Variants in HS3ST5 observed in about 807,000 individuals in gnomAD.
HS3ST5 encodes heparan sulfate glucosamine 3-O-sulfotransferase 5.
In HS3ST5, 10 loss-of-function variants were observed where a neutral mutation model predicts 25.4. That is an observed-to-expected ratio of 0.39 (90% CI 0.24 to 0.67). The LOEUF is 0.67. Among genes scored for constraint, HS3ST5 ranks in the 30% least tolerant of loss-of-function variants. HS3ST5 has a pLI of 0.44. For synonymous variants in HS3ST5, 170 were observed against 162.4 expected (o/e 1.05, Z -0.36); for missense variants, 324 against 420.7 (o/e 0.77, Z 2.01).
chr6:114,325,598 G>A (rs1453889284), intron 1 of HS3ST5, among the ~76,000 whole-genome samples: 1 of 151,986 alleles, frequency 6.6e-6, no homozygotes, highest in Non-Finnish European at 1.5e-5. Context: ...ACTTTTCCCT[G>A]CTAAACTAGT....
chr6:114,324,060 G>A (rs7772400), intron 1 of HS3ST5, among the ~76,000 whole-genome samples: 9,640 of 152,194 alleles, frequency 0.063, 551 homozygotes, highest in African/African-American at 0.15. Context: ...GATTCAAGAG[G>A]AGGAAGGTGA....
At chr6:114,281,138 G>A (rs7757785) in intron 1 of HS3ST5, among the ~76,000 whole-genome samples, 73,916 of 151,758 alleles carry the variant, frequency 0.49, 18,189 homozygotes, top group Middle Eastern at 0.61. Context: ...CCCAAATAAC[G>A]TACCATATCT....
intron 3 of HS3ST5, among the ~76,000 whole-genome samples, chr6:114,133,578 G>C (rs1777454264): frequency 6.6e-6 from 1 of 152,116 alleles, no homozygotes; most frequent in East Asian, 1.9e-4. Flanking sequence ...TATGCCACTG[G>C]GAAAGATATT....
In HS3ST5 at chr6:114,168,076, G is replaced by A. The variant is rs866226180; in HGVS notation, c.-33+275C>T. ...CACACACAAACAAAAAACAACACAC[G>A]CAAAAGAAAATCAATAAAAAAAATT... On this transcript the variant is annotated intron_variant, in intron 3 of 4. Transcript: ENST00000312719. 9.2e-5 allele frequency among the ~76,000 whole-genome samples: 14 copies of A among 152,024 alleles called. No individual in the cohort carries two copies. The East Asian group carries it at 1.4e-3, about 15-fold the overall frequency.
At chr6:114,300,988 A>G (rs1775049056) in intron 1 of HS3ST5, among the ~76,000 whole-genome samples, 1 of 152,180 alleles carries the variant, frequency 6.6e-6, no homozygotes, top group African/African-American at 2.4e-5. Context: ...AGTTGCCTAG[A>G]GCTAGTACGT....
chr6:114,114,483 A>G (rs1178431769), intron 3 of HS3ST5, among the ~76,000 whole-genome samples: 12 of 152,178 alleles, frequency 7.9e-5, no homozygotes. Flanking sequence ...ATAGGATCAT[A>G]TAATTATGTG....
chr6:114,191,812 C>T (rs530308372), intron 2 of HS3ST5, among the ~76,000 whole-genome samples: 1 of 152,180 alleles, frequency 6.6e-6, no homozygotes, highest in African/African-American at 2.4e-5. Context: ...TGAGGCAGAC[C>T]GCTTGATTAG....
chr6:114,087,732 A>C (rs916709728), intron 3 of HS3ST5, among the ~76,000 whole-genome samples: 1 of 152,142 alleles, frequency 6.6e-6, no homozygotes, highest in African/African-American at 2.4e-5. Flanking sequence ...GTTTCTCCCA[A>C]GTTTTCATAA....
chr6:114,322,528 A>T (rs1035729410), intron 1 of HS3ST5, among the ~76,000 whole-genome samples: 4 of 152,278 alleles, frequency 2.6e-5, no homozygotes, highest in South Asian at 2.1e-4. Flanking sequence ...ATTCTAAATT[A>T]AAAAAGGTAA....
At chr6:114,130,436 T>C (rs1007768348) in intron 3 of HS3ST5, among the ~76,000 whole-genome samples, 7 of 152,174 alleles carry the variant, frequency 4.6e-5, no homozygotes, top group African/African-American at 1.7e-4. Flanking sequence ...ATGCAATTGC[T>C]AGTTTATAGA....
At chr6:114,183,135 A>T (rs1162565603) in intron 2 of HS3ST5, among the ~76,000 whole-genome samples, 1 of 152,086 alleles carries the variant, frequency 6.6e-6, no homozygotes. Flanking sequence ...CAACCTCCAT[A>T]ATCTCATAAG....
At chr6:114,288,836 C>T (rs982602621) in intron 1 of HS3ST5, among the ~76,000 whole-genome samples, 1 of 152,028 alleles carries the variant, frequency 6.6e-6, no homozygotes, top group Admixed American at 6.6e-5. Flanking sequence ...GTTATGAGGA[C>T]CATTGCCTCA....
intron 1 of HS3ST5, among the ~76,000 whole-genome samples, chr6:114,327,373 A>C (rs2114902742): frequency 6.6e-6 from 1 of 152,302 alleles, no homozygotes; most frequent in South Asian, 2.1e-4. Flanking sequence ...AAAAGACAAA[A>C]GAAGAAGTTT....
chr6:114,174,568 T>C (rs1489852886), intron 2 of HS3ST5, among the ~76,000 whole-genome samples: 1 of 152,190 alleles, frequency 6.6e-6, no homozygotes, highest in African/African-American at 2.4e-5. Context: ...CTGTCAAATA[T>C]AACCACATTT....
chr6:114,131,423 G>T (rs1035036735), intron 3 of HS3ST5, among the ~76,000 whole-genome samples: 1 of 152,068 alleles, frequency 6.6e-6, no homozygotes, highest in South Asian at 2.1e-4. Context: ...AAACTGCAAA[G>T]TATTTCCTCC....
chr6:114,131,056 A>G (rs867600269), intron 3 of HS3ST5, among the ~76,000 whole-genome samples: 1 of 152,134 alleles, frequency 6.6e-6, no homozygotes, highest in South Asian at 2.1e-4. Context: ...AAATAAATAA[A>G]TAGAAAAATC....
chr6:114,306,070 C>A (rs1218574776), intron 1 of HS3ST5, among the ~76,000 whole-genome samples: 2 of 151,936 alleles, frequency 1.3e-5, no homozygotes. Flanking sequence ...TAAGAAAGTG[C>A]TTTAAATTCT....
intron 1 of HS3ST5, among the ~76,000 whole-genome samples, chr6:114,317,795 C>CG (rs1462041221): frequency 1.8e-3 from 3 of 1,708 alleles, no homozygotes; most frequent in South Asian, 0.038. Flanking sequence ...TGATGGGAGG[C>CG]GGGGGGCGGG....
At chr6:114,299,217 A>G (rs1226655441) in intron 1 of HS3ST5, among the ~76,000 whole-genome samples, 1 of 152,140 alleles carries the variant, frequency 6.6e-6, no homozygotes, top group Non-Finnish European at 1.5e-5. Context: ...GGATGAAATA[A>G]GCCCCAGTCT....
Sources: gnomAD v4.1 joint callset for allele counts (sites outside exome capture counted in the v4.1 genomes callset) on GRCh38, gnomAD v4.1.1 for gene constraint, MANE v1.5 for transcripts, NCBI Gene and HGNC (gene_info 2026-07-23, HGNC 2026-07-21) for gene names.